ZSCAN5A: variants seen among roughly 807,000 people sequenced by gnomAD.
ZSCAN5A encodes zinc finger and SCAN domain-containing protein 5A.
ZSCAN5A carries 12 observed loss-of-function variants against 23.7 expected under a neutral mutation model. The ratio of observed to expected loss-of-function variants is 0.51; its 90% confidence interval spans 0.32 to 0.82. ZSCAN5A has a LOEUF of 0.82. Ranked by LOEUF, ZSCAN5A falls within the 40% of genes least tolerant of loss-of-function variation. ZSCAN5A has a pLI of 0.03. For missense variants in ZSCAN5A, 597 were observed against 617.9 expected (o/e 0.97, Z 0.36); for synonymous variants, 257 against 239.9 (o/e 1.07, Z -0.66).
chr19:56,245,389 G>T (rs745870023), intron 2 of ZSCAN5A: 1 of 748,392 alleles, frequency 1.3e-6, no homozygotes, highest in Non-Finnish European at 2.5e-6. Context: ...AAGAGCTGCA[G>T]ACCCTGCCCA....
At chr19:56,284,158 T>A in intron 2 of ZSCAN5A, 1 of 985,504 alleles carries the variant, frequency 1.0e-6, no homozygotes, top group Non-Finnish European at 1.2e-6. Flanking sequence ...GCATGTAACC[T>A]TGGCCACCAT....
chr19:56,362,391 A>AC (rs2041739537), intron 2 of ZSCAN5A, among the ~76,000 whole-genome samples: 1 of 151,036 alleles, frequency 6.6e-6, no homozygotes, highest in South Asian at 2.1e-4. Flanking sequence ...ACGTGGCGAG[A>AC]CCCCCACCTC....
In ZSCAN5A at chr19:56,221,945, T is replaced by A; in HGVS notation, c.1121A>T (p.His374Leu). The A allele has an allele frequency of 6.2e-7, 1 of 1,614,174 alleles. No individual in the cohort carries two copies. Among genetic ancestry groups the A allele is most frequent in the Non-Finnish European group, 8.5e-7 (1 of 1,180,038 alleles). Residue 374 changes from histidine (H) to leucine (L), a missense_variant, in exon 6 of 6, where the codon CAC becomes CTC. Around this residue, in one of 5 missense-constraint regions of ZSCAN5A, gnomAD observed 406 missense variants for 353.2 expected, o/e 1.15. Transcript: ENST00000683990. ...RFTCNSKLVI[H>L]KRSHTGERLF... ...TCTCTCGCCTGTGTGTGATCTCTTG[T>A]GGATGACTAGCTTGGAATTACACGT...
At chr19:56,337,652 G>A (rs926805051) in intron 2 of ZSCAN5A, among the ~76,000 whole-genome samples, 1 of 152,182 alleles carries the variant, frequency 6.6e-6, no homozygotes, top group Non-Finnish European at 1.5e-5. Context: ...AGTTGGAAAT[G>A]CAGAAGTCAC....
At chr19:56,314,538 C>T (rs1484390864) in intron 1 of ZSCAN5A, 143 bp downstream of exon 1, 1 of 152,320 alleles carries the variant, frequency 6.6e-6, no homozygotes, top group African/African-American at 2.4e-5. Context: ...AGTCCCATCC[C>T]CGGGCTCGGT....
chr19:56,228,380 C>T (rs1177214499), intron 2 of ZSCAN5A: 1 of 985,244 alleles, frequency 1.0e-6, no homozygotes. Flanking sequence ...TGCGCCGCCC[C>T]GTGATTGGTT....
intron 2 of ZSCAN5A, chr19:56,304,723 A>C: frequency 1.1e-6 from 1 of 907,398 alleles, no homozygotes; most frequent in Non-Finnish European, 1.3e-6. Context: ...AAAGGGAGGT[A>C]AGGAAGGAAT....
intron 2 of ZSCAN5A, among the ~76,000 whole-genome samples, chr19:56,260,301 G>A (rs182470096): frequency 2.8e-5 from 4 of 144,868 alleles, no homozygotes; most frequent in Non-Finnish European, 4.5e-5. Context: ...TGCAACCTCC[G>A]CTTCCAGGGT....
At chr19:56,361,033 C>T (rs1326300766) in intron 2 of ZSCAN5A, among the ~76,000 whole-genome samples, 1 of 151,778 alleles carries the variant, frequency 6.6e-6, no homozygotes, top group African/African-American at 2.4e-5. Context: ...AGGACATGAA[C>T]AGACACTTCT....
chr19:56,221,715 A>G lies in ZSCAN5A; in HGVS notation c.1351T>C (p.Tyr451His). ...TGGTGCTCCTTCAGGCTCCCCCTGT[A>G]GGTGAAAACTTTCTTGCAGTCTTTA... The part of the protein sequence containing the change: ...ECKDCKKVFT[Y>H]RGSLKEHQRI... The change falls in exon 6 of 6, where the codon TAC becomes CAC. Residue 451 changes from tyrosine to histidine, a missense_variant. Physicochemically the swap from Tyr to His is moderately conservative, Grantham distance 83. Transcript: ENST00000683990. 1 of 1,614,200 alleles carries G rather than the reference A, an allele frequency of 6.2e-7. No individual in the cohort carries two copies. Among genetic ancestry groups the G allele is most frequent in the Non-Finnish European group, 8.5e-7 (1 of 1,180,032 alleles).
At chr19:56,335,353 A>C (rs2041525370) in intron 2 of ZSCAN5A, among the ~76,000 whole-genome samples, 1 of 152,284 alleles carries the variant, frequency 6.6e-6, no homozygotes, top group East Asian at 1.9e-4. Context: ...GGATAATGGA[A>C]CCAATTTGGA....
At chr19:56,274,770 TTTTG>T (rs1439446057) in intron 2 of ZSCAN5A, 4 of 151,768 alleles carry the variant, frequency 2.6e-5, no homozygotes, top group East Asian at 1.9e-4. Flanking sequence ...AAGTTTTTTG[TTTTG>T]TTTTGTTTTG....
intron 2 of ZSCAN5A, among the ~76,000 whole-genome samples, chr19:56,227,234 C>T (rs1213033619): frequency 6.6e-6 from 1 of 152,128 alleles, no homozygotes; most frequent in Non-Finnish European, 1.5e-5. Flanking sequence ...CTCAATTTAG[C>T]CATTTAACAA....
At chr19:56,253,686 C>T (rs1170982103) in intron 2 of ZSCAN5A, among the ~76,000 whole-genome samples, 1 of 152,052 alleles carries the variant, frequency 6.6e-6, no homozygotes, top group East Asian at 1.9e-4. Context: ...CGTGGGGAGA[C>T]GTTATCCGGT....
chr19:56,234,429 G>A (rs2034708992), intron 2 of ZSCAN5A, among the ~76,000 whole-genome samples: 1 of 152,100 alleles, frequency 6.6e-6, no homozygotes, highest in Non-Finnish European at 1.5e-5. Flanking sequence ...TGAGGCAGGA[G>A]AATAGGGTGA....
chr19:56,286,209 A>G (rs887107280), intron 2 of ZSCAN5A, among the ~76,000 whole-genome samples: 1 of 151,864 alleles, frequency 6.6e-6, no homozygotes, highest in Non-Finnish European at 1.5e-5. Flanking sequence ...ATTAGTAGAG[A>G]TGGGGTTTCA....
intron 2 of ZSCAN5A, among the ~76,000 whole-genome samples, chr19:56,242,481 C>G (rs1450683077): frequency 6.6e-6 from 1 of 152,112 alleles, no homozygotes; most frequent in Non-Finnish European, 1.5e-5. Context: ...GTTGTCTTCC[C>G]CCTCTGCTGA....
At chr19:56,284,923 C>T in intron 2 of ZSCAN5A, 1 of 752,558 alleles carries the variant, frequency 1.3e-6, no homozygotes, top group Non-Finnish European at 1.6e-6. Context: ...ATCTGTTGAA[C>T]TGGGAGAAAT....
rs186296036 is a variant in ZSCAN5A at position 56,342,576 on chromosome 19, T to C, written c.-358+20659A>G. ...CAAGGTGAATGCTATAGAAGAGATC[T>C]TGTCAAGCAGAAGCTGACTCTGAAC... On this transcript the variant is annotated intron_variant, in intron 2 of 6. Coordinates refer to the ZSCAN5A transcript ENST00000587340. The C allele has an allele frequency of 1.1e-4, 43 of 385,620 alleles. No individual in the cohort carries two copies. The Middle Eastern group carries it at 1.1e-3, about 10-fold the overall frequency. 23.9% of individuals were successfully genotyped at this position (385,620 alleles called of 1,614,324 possible). A position where few individuals can be genotyped will look rare whatever the true frequency, so the allele number is the denominator to read the frequency against.
Sources: allele counts gnomAD v4.1 joint callset (sites outside exome capture counted in the v4.1 genomes callset), GRCh38; gene constraint gnomAD v4.1.1; regional missense constraint gnomAD v4.1.1; transcripts MANE v1.5; gene names NCBI Gene and HGNC (gene_info 2026-07-23, HGNC 2026-07-21).